AGO3: variants seen among roughly 807,000 people sequenced by gnomAD.
AGO3 encodes protein argonaute-3.
AGO3 carries 16 observed loss-of-function variants against 105.5 expected under a neutral mutation model. The observed-to-expected ratio is 0.15, with a 90% confidence interval of 0.10 to 0.23. The LOEUF (loss-of-function observed/expected upper bound fraction) is 0.23. Among genes scored for constraint, AGO3 ranks in the 10% least tolerant of loss-of-function variants. The pLI is 1.00. For synonymous variants in AGO3, 340 were observed against 367.3 expected (o/e 0.93, Z 0.85); for missense variants, 534 against 1,088.0 (o/e 0.49, Z 7.16).
intron 15 of AGO3, 114 bp downstream of exon 15, chr1:36,040,098 T>G: frequency 2.4e-6 from 3 of 1,253,282 alleles, no homozygotes; most frequent in Non-Finnish European, 3.3e-6. Flanking sequence ...CAAAACTTGG[T>G]GTTTTGTTAG....
rs913335115 is a variant in AGO3 at position 36,027,504 on chromosome 1, G to A, written c.1591+206G>A. Among the ~76,000 whole-genome samples the A allele has an allele frequency of 1.3e-5, 2 of 152,200 alleles. No homozygotes were observed. Among genetic ancestry groups the A allele is most frequent in the South Asian group, 2.1e-4 (1 of 4,836 alleles). The stretch of plus-strand genomic sequence containing the variant: ...TGTAAAAAGAGTTTCCGGGCTGGGC[G>A]TGGTGGCTCACGCCTGTAATCCCAG... On this transcript the variant is annotated intron_variant, in intron 12 of 18. Transcript: ENST00000373191. This position sits in a 1 kb window ranked among gnomAD's most constrained non-coding sequence, Gnocchi z 4.0.
At position 36,056,033 on chromosome 1, in the gene AGO3, G is replaced by A. The variant is rs759158259; in HGVS notation, c.*288G>A. 4.3e-6 allele frequency: 1 copy of A among 232,666 alleles called. No homozygotes were observed. Among genetic ancestry groups the A allele is most frequent in the African/African-American group, 2.3e-5 (1 of 44,382 alleles). 14.4% of individuals were successfully genotyped at this position (232,666 alleles called of 1,614,324 possible). On this transcript the variant is annotated 3_prime_UTR_variant, in exon 19 of 19. Coordinates refer to ENST00000373191, the MANE Select transcript of AGO3 (RefSeq NM_024852.4). Reference sequence around the variant, plus strand: ...TTTCTTGTAGTCTAACCCTTTTAATGCCTTTACCTCAAGTTGCTTGGCAGC... The same window carrying A: ...TTTCTTGTAGTCTAACCCTTTTAATACCTTTACCTCAAGTTGCTTGGCAGC...
chr1:36,068,869 G>A lies in AGO3; in HGVS notation c.*13124G>A, dbSNP rs1329730761. 1 of 152,192 alleles carries A rather than the reference G, an allele frequency of 6.6e-6. No homozygotes were observed. The highest frequency in any genetic ancestry group is 1.5e-5 in the Non-Finnish European group (1 of 68,036). 9.4% of individuals were successfully genotyped at this position (152,192 alleles called of 1,614,324 possible). ...TGGGCTATAAGAGAGAAGGCTTAAG[G>A]TGTTCTTTAATGGAGGAACTTTTGA... is the stretch of plus-strand genomic sequence containing the variant. On this transcript the variant is annotated 3_prime_UTR_variant, in exon 19 of 19. Transcript: ENST00000373191.
intron 1 of AGO3, among the ~76,000 whole-genome samples, chr1:35,941,937 G>T (rs1349297153): frequency 6.6e-6 from 1 of 152,204 alleles, no homozygotes; most frequent in Non-Finnish European, 1.5e-5. Context: ...GATTTTCTAA[G>T]TTGATCTTGA....
chr1:36,027,116 G>T lies in AGO3; in HGVS notation c.1409G>T (p.Gly470Val). Residue 470 changes from glycine to valine, a missense_variant and splice_region_variant, in exon 12 of 19, where the codon GGT (glycine) becomes GTT (valine). Transcript: ENST00000373191. This position sits in a 1 kb window ranked among gnomAD's most constrained non-coding sequence, Gnocchi z 4.0. The stretch of plus-strand genomic sequence containing the variant: ...TATTTAGTGGTTTCTCCTTCCAGGG[G>T]TTTCACAGACCAGCTGCGTAAGATT... ...QRQCREEILKGFTDQLRKISK... is the reference protein window; with the variant it reads ...QRQCREEILKVFTDQLRKISK... 6.2e-7 allele frequency: 1 copy of T among 1,611,942 alleles called. No individual in the cohort carries two copies. The highest frequency in any genetic ancestry group is 8.5e-7 in the Non-Finnish European group (1 of 1,179,006).
At chr1:36,003,182 C>G (rs1250371002) in intron 5 of AGO3, among the ~76,000 whole-genome samples, 2 of 150,832 alleles carry the variant, frequency 1.3e-5, no homozygotes, top group African/African-American at 4.9e-5. Flanking sequence ...TGATAACATG[C>G]AACTTACTGT....
chr1:36,040,200 T>C, intron 15 of AGO3, 107 bp from the exon 16 acceptor site: 1 of 1,290,902 alleles, frequency 7.7e-7, no homozygotes, highest in Non-Finnish European at 1.1e-6. Context: ...CTATTAGCTA[T>C]AGAGTGGTGA....
chr1:35,952,170 A>G (rs1180407259), intron 2 of AGO3, among the ~76,000 whole-genome samples: 4 of 97,514 alleles, frequency 4.1e-5, no homozygotes, highest in Non-Finnish European at 7.1e-5. Context: ...TTTTTTTGAC[A>G]GAGTCTCGCT....
chr1:35,955,453 T>C (rs561396707), intron 2 of AGO3, among the ~76,000 whole-genome samples: 2 of 152,354 alleles, frequency 1.3e-5, no homozygotes, highest in East Asian at 1.9e-4. Context: ...TGAAATGAAC[T>C]ATTTAAAAAT....
intron 2 of AGO3, among the ~76,000 whole-genome samples, chr1:35,952,128 C>T (rs1646481656): frequency 9.2e-6 from 1 of 108,948 alleles, no homozygotes; most frequent in East Asian, 6.7e-4. Context: ...TTCTTTCTTT[C>T]TTTCTTTCTT....
intron 9 of AGO3, among the ~76,000 whole-genome samples, chr1:36,012,959 C>T (rs1640693657): frequency 6.6e-6 from 1 of 150,758 alleles, no homozygotes; most frequent in African/African-American, 2.4e-5. Flanking sequence ...TCTTTTGAGA[C>T]AGGGTCTTGC....
chr1:35,965,637 C>G (rs1333547211), intron 2 of AGO3, among the ~76,000 whole-genome samples: 4 of 151,682 alleles, frequency 2.6e-5, no homozygotes, highest in African/African-American at 9.7e-5. Flanking sequence ...AAAATTTACT[C>G]TAGAAGAGGC....
chr1:35,934,961 A>G (rs1048457582), intron 1 of AGO3, among the ~76,000 whole-genome samples: 1 of 152,192 alleles, frequency 6.6e-6, no homozygotes, highest in African/African-American at 2.4e-5. Context: ...GTCGTTATAT[A>G]AATTTTCTCA....
chr1:35,941,291 CT>C (rs138694614), intron 1 of AGO3, among the ~76,000 whole-genome samples: 6,339 of 152,202 alleles, frequency 0.042, 180 homozygotes, highest in Non-Finnish European at 0.058. Flanking sequence ...AACTGTACTA[CT>C]GTAGTTCTAG....
At chr1:35,932,627 T>A (rs1162299822) in intron 1 of AGO3, among the ~76,000 whole-genome samples, 4 of 152,142 alleles carry the variant, frequency 2.6e-5, no homozygotes, top group African/African-American at 9.7e-5. Flanking sequence ...ATATCTCTTT[T>A]TCCTGCTCCA....
chr1:35,990,923 A>G (rs1569648606), intron 5 of AGO3, among the ~76,000 whole-genome samples: 1 of 152,350 alleles, frequency 6.6e-6, no homozygotes, highest in East Asian at 1.9e-4. Context: ...GCATCTGGGC[A>G]AGAACTTTTA....
intron 3 of AGO3, among the ~76,000 whole-genome samples, chr1:35,971,451 G>A (rs1315676041): frequency 4.0e-5 from 6 of 151,320 alleles, no homozygotes; most frequent in African/African-American, 9.7e-5. Flanking sequence ...GAGCCACTGC[G>A]CCTGGCCTTT....
At chr1:36,004,577 AC>A in intron 6 of AGO3, 102 bp downstream of exon 6, 2 of 1,012,370 alleles carry the variant, frequency 2.0e-6, no homozygotes, top group Non-Finnish European at 2.7e-6. Flanking sequence ...ATGTAACATA[AC>A]CAGTAAAACT....
At position 36,062,149 on chromosome 1, in the gene AGO3, T is replaced by C. The variant is rs562226997; in HGVS notation, c.*6404T>C. 6 of 151,832 alleles carry C rather than the reference T, an allele frequency of 4.0e-5. No homozygotes were observed. Among genetic ancestry groups the C allele is most frequent in the African/African-American group, 1.2e-4 (5 of 41,324 alleles). 9.4% of individuals were successfully genotyped at this position (151,832 alleles called of 1,614,324 possible). A position where few individuals can be genotyped will look rare whatever the true frequency, so the allele number is the denominator to read the frequency against. The stretch of plus-strand genomic sequence containing the variant: ...TTGCCTGGAATCATAGGCAACATTT[T>C]CTAATTAATCTTTTTTTTTTTTTTT... On this transcript the variant is annotated 3_prime_UTR_variant, in exon 19 of 19. Transcript: ENST00000373191.
Sources: gnomAD v4.1 joint callset for allele counts (sites outside exome capture counted in the v4.1 genomes callset) on GRCh38, gnomAD v4.1.1 for gene constraint, Gnocchi (gnomAD v3.1) non-coding constraint, MANE v1.5 for transcripts, NCBI Gene and HGNC (gene_info 2026-07-23, HGNC 2026-07-21) for gene names.